DOK6: variants seen among roughly 807,000 people sequenced by gnomAD.
DOK6 encodes downstream of tyrosine kinase 6.
In DOK6, 22 loss-of-function variants were observed where a neutral mutation model predicts 44.0. The observed-to-expected ratio is 0.50, with a 90% CI of 0.36 to 0.71. DOK6 has a LOEUF of 0.71. Ranked by LOEUF, DOK6 falls within the 30% of genes least tolerant of loss-of-function variation. The pLI is 0.00. For synonymous variants in DOK6, 166 were observed against 145.5 expected, an observed-to-expected ratio of 1.14 and a Z score of -1.01; for missense variants, 340 against 416.4, an observed-to-expected ratio of 0.82 and a Z score of 1.60.
chr18:69,600,382 G>A (rs1983843920), intron 3 of DOK6, among the ~76,000 whole-genome samples: 2 of 152,060 alleles, frequency 1.3e-5, no homozygotes, highest in Non-Finnish European at 2.9e-5. Flanking sequence ...AACTGAACTG[G>A]AATTTATCTC....
intron 3 of DOK6, among the ~76,000 whole-genome samples, chr18:69,637,177 C>T (rs1226858358): frequency 6.6e-6 from 1 of 152,172 alleles, no homozygotes; most frequent in African/African-American, 2.4e-5. Context: ...TTGTCATAAA[C>T]CTACCTAAAT....
At chr18:69,805,288 T>C (rs1183756867) in intron 7 of DOK6, among the ~76,000 whole-genome samples, 2 of 152,122 alleles carry the variant, frequency 1.3e-5, no homozygotes, top group Non-Finnish European at 2.9e-5. Context: ...TGAGCATGTA[T>C]AGGTTGGTTT....
At chr18:69,637,489 C>A (rs1196371786) in intron 3 of DOK6, among the ~76,000 whole-genome samples, 1 of 152,120 alleles carries the variant, frequency 6.6e-6, no homozygotes, top group Admixed American at 6.5e-5. Flanking sequence ...CCACTCCTTC[C>A]CCCGCAAATG....
At chr18:69,744,918 C>G (rs1401175909) in intron 6 of DOK6, among the ~76,000 whole-genome samples, 1 of 125,082 alleles carries the variant, frequency 8.0e-6, no homozygotes, top group Non-Finnish European at 1.7e-5. Context: ...AGTAGCAACA[C>G]TCCATCTAAA....
chr18:69,441,723 G>T (rs1979142609), intron 1 of DOK6, among the ~76,000 whole-genome samples: 1 of 152,042 alleles, frequency 6.6e-6, no homozygotes, highest in African/African-American at 2.4e-5. Flanking sequence ...CAATAGCCAG[G>T]GGATGCACAG....
intron 6 of DOK6, among the ~76,000 whole-genome samples, chr18:69,748,985 A>G (rs1281858962): frequency 6.6e-6 from 1 of 152,200 alleles, no homozygotes; most frequent in Non-Finnish European, 1.5e-5. Flanking sequence ...ATAAAAGGGA[A>G]CAAGATTATG....
intron 1 of DOK6, among the ~76,000 whole-genome samples, chr18:69,406,959 T>C (rs1916217524): frequency 6.6e-6 from 1 of 152,114 alleles, no homozygotes; most frequent in Non-Finnish European, 1.5e-5. Context: ...CCAGCGCCTG[T>C]AATTCCAGCT....
At chr18:69,712,886 A>G (rs1459433327) in intron 5 of DOK6, among the ~76,000 whole-genome samples, 1 of 152,208 alleles carries the variant, frequency 6.6e-6, no homozygotes, top group Non-Finnish European at 1.5e-5. Flanking sequence ...CACGTCTCCA[A>G]AATCCCCAGT....
At chr18:69,751,352 T>G (rs1979173080) in intron 6 of DOK6, among the ~76,000 whole-genome samples, 1 of 152,114 alleles carries the variant, frequency 6.6e-6, no homozygotes, top group South Asian at 2.1e-4. Flanking sequence ...GCCCCACAAA[T>G]ATATATAATT....
At chr18:69,509,454 G>A (rs941357722) in intron 1 of DOK6, among the ~76,000 whole-genome samples, 37 of 151,986 alleles carry the variant, frequency 2.4e-4, no homozygotes, top group Admixed American at 3.9e-4. Flanking sequence ...TGGCTAACAT[G>A]GTGAAACCCC....
At chr18:69,754,351 C>CAAAAAAAAAAA in intron 6 of DOK6, among the ~76,000 whole-genome samples, 1 of 121,484 alleles carries the variant, frequency 8.2e-6, no homozygotes, top group Non-Finnish European at 1.6e-5. Flanking sequence ...ACCCTATCTC[C>CAAAAAAAAAAA]AAAAAAAAAA....
chr18:69,760,339 C>G (rs1201198457), intron 7 of DOK6, among the ~76,000 whole-genome samples: 1 of 152,128 alleles, frequency 6.6e-6, no homozygotes, highest in East Asian at 1.9e-4. Flanking sequence ...CATTTAGAAG[C>G]CTAGTTATCC....
chr18:69,621,663 TAA>T (rs761792223), intron 3 of DOK6, among the ~76,000 whole-genome samples: 2 of 152,206 alleles, frequency 1.3e-5, no homozygotes, highest in South Asian at 2.1e-4. Context: ...TTGATGGAGT[TAA>T]AAGAGTGCTG....
rs532664229 is a variant in DOK6 at position 69,496,374 on chromosome 18, C to G, written c.67-68113C>G. ...CAACTCGGAAGGGGCGGGGCTCCCA[C>G]TTGTCCCGGCTACCACCAGGTCTAT... On this transcript the variant is annotated intron_variant, in intron 1 of 7. Transcript: ENST00000382713. Among the ~76,000 whole-genome samples, 5 of 152,380 alleles carry G rather than the reference C, an allele frequency of 3.3e-5. No homozygotes were observed. The East Asian group carries it at 5.8e-4, about 18-fold the overall frequency.
chr18:69,533,277 A>G lies in DOK6; in HGVS notation c.67-31210A>G, dbSNP rs911749680. On this transcript the variant is annotated intron_variant, in intron 1 of 7. Transcript: ENST00000382713. Reference sequence around the variant, plus strand: ...TCACTAATAACATAACTCCAGTATTAATTCAAAATTAGTTCTGACAATTTT... The same window carrying G: ...TCACTAATAACATAACTCCAGTATTGATTCAAAATTAGTTCTGACAATTTT... Among the ~76,000 whole-genome samples, 5 of 152,280 alleles carry G rather than the reference A, an allele frequency of 3.3e-5. 1 individual carries two copies. Among genetic ancestry groups the G allele is most frequent in the Middle Eastern group, 6.8e-3 (2 of 294 alleles).
intron 7 of DOK6, among the ~76,000 whole-genome samples, chr18:69,794,763 A>G (rs1980696479): frequency 6.6e-6 from 1 of 152,086 alleles, no homozygotes; most frequent in Admixed American, 6.6e-5. Flanking sequence ...TCACATTCCT[A>G]CCTGAGCTCT....
At chr18:69,459,002 A>G (rs1006759805) in intron 1 of DOK6, among the ~76,000 whole-genome samples, 1 of 151,718 alleles carries the variant, frequency 6.6e-6, no homozygotes, top group Non-Finnish European at 1.5e-5. Flanking sequence ...AGGCTGAGGC[A>G]GGAGAATTGC....
At chr18:69,700,758 T>C (rs1012011825) in intron 5 of DOK6, among the ~76,000 whole-genome samples, 4 of 152,184 alleles carry the variant, frequency 2.6e-5, no homozygotes, top group Non-Finnish European at 5.9e-5. Context: ...CCATACTTGA[T>C]CTAGAGAAAT....
chr18:69,414,966 T>C (rs1978322503), intron 1 of DOK6, among the ~76,000 whole-genome samples: 1 of 152,148 alleles, frequency 6.6e-6, no homozygotes, highest in South Asian at 2.1e-4. Context: ...ATTAATAACT[T>C]GTCAATTATG....
Sources: gnomAD v4.1 joint callset for allele counts (sites outside exome capture counted in the v4.1 genomes callset) on GRCh38, gnomAD v4.1.1 for gene constraint, MANE v1.5 for transcripts, NCBI Gene and HGNC (gene_info 2026-07-23, HGNC 2026-07-21) for gene names.